Variants in ANKS1B observed in about 807,000 individuals in gnomAD.
ANKS1B encodes ankyrin repeat and sterile alpha motif domain-containing protein 1B.
Under a neutral mutation model 148.3 loss-of-function variants are expected in ANKS1B, and 36 were observed. That is an observed-to-expected ratio of 0.24 (90% CI 0.19 to 0.32). ANKS1B has a LOEUF of 0.32. Among genes scored for constraint, ANKS1B ranks in the 10% least tolerant of loss-of-function variants. The probability of loss-of-function intolerance (pLI) is 1.00; values close to 1 mark genes in which losing one functional copy is unlikely to be tolerated. For synonymous variants in ANKS1B, 542 were observed against 560.8 expected (o/e 0.97, Z 0.47); for missense variants, 1,157 against 1,542.6 (o/e 0.75, Z 4.19).
intron 1 of ANKS1B, among the ~76,000 whole-genome samples, chr12:99,956,732 T>A (rs1733148035): frequency 6.6e-6 from 1 of 152,206 alleles, no homozygotes; most frequent in Admixed American, 6.5e-5. Context: ...TGTTTTAATG[T>A]CACCCTTGAT....
chr12:98,997,626 C>T (rs985733441), intron 17 of ANKS1B, among the ~76,000 whole-genome samples: 1 of 152,042 alleles, frequency 6.6e-6, no homozygotes, highest in African/African-American at 2.4e-5. Flanking sequence ...CTCTTGACCT[C>T]GTGATCTGCC....
chr12:99,246,534 G>A lies in ANKS1B; in HGVS notation c.2087C>T (p.Ser696Phe). 1 of 1,613,876 alleles carries A rather than the reference G, an allele frequency of 6.2e-7. No homozygotes were observed. The highest frequency in any genetic ancestry group is 8.5e-7 in the Non-Finnish European group (1 of 1,179,868). ...IVGTRSTRSG[S>F]RNGDQWVMNA... is the part of the protein sequence containing the mutation. ...CATAACCCACTGGTCCCCATTCCGA[G>A]ATCCACTCCTGGTTGATCTTGTGCC... is the stretch of plus-strand genomic sequence containing the variant. The change falls in exon 13 of 27, where the codon TCT (serine) becomes TTT (phenylalanine). Residue 696 changes from serine to phenylalanine, a missense_variant. Coordinates refer to ENST00000683438, the MANE Select transcript of ANKS1B (RefSeq NM_001352186.2).
intron 14 of ANKS1B, among the ~76,000 whole-genome samples, chr12:99,224,797 T>C (rs1365954981): frequency 6.6e-6 from 1 of 152,134 alleles, no homozygotes; most frequent in African/African-American, 2.4e-5. Context: ...GGTCATACAG[T>C]AGGTAAGCGA....
chr12:99,642,158 T>A (rs1048560117), intron 9 of ANKS1B, among the ~76,000 whole-genome samples: 2 of 152,224 alleles, frequency 1.3e-5, no homozygotes, highest in African/African-American at 4.8e-5. Context: ...TATAGTTCAT[T>A]TATTTTAAAA....
At chr12:99,654,766 C>T (rs2098441913) in intron 9 of ANKS1B, among the ~76,000 whole-genome samples, 5 of 152,152 alleles carry the variant, frequency 3.3e-5, no homozygotes, top group Admixed American at 3.3e-4. Flanking sequence ...AAATAGCATT[C>T]TTTAAACTGA....
At chr12:99,670,643 C>T (rs1161530308) in intron 8 of ANKS1B, among the ~76,000 whole-genome samples, 1 of 151,974 alleles carries the variant, frequency 6.6e-6, no homozygotes, top group Non-Finnish European at 1.5e-5. Context: ...GACAGTAAAA[C>T]TAGACCAAAA....
At chr12:98,773,651 A>G (rs1393448868) in intron 24 of ANKS1B, among the ~76,000 whole-genome samples, 1 of 151,968 alleles carries the variant, frequency 6.6e-6, no homozygotes, top group Non-Finnish European at 1.5e-5. Flanking sequence ...GACGGGGTTT[A>G]CACCATGTTG....
intron 16 of ANKS1B, among the ~76,000 whole-genome samples, chr12:99,056,495 C>T (rs973129339): frequency 2.0e-4 from 30 of 152,162 alleles, no homozygotes; most frequent in African/African-American, 7.2e-4. Context: ...TTTGATCCAG[C>T]TTGTATCTTG....
intron 12 of ANKS1B, among the ~76,000 whole-genome samples, chr12:99,324,846 T>C (rs1268219709): frequency 3.9e-4 from 59 of 152,250 alleles, no homozygotes; most frequent in Admixed American, 3.8e-3. Context: ...TGAAAGGAGC[T>C]TAGCTGTTAT....
rs538856131 is a variant in ANKS1B at position 99,110,926 on chromosome 12, C to T, written c.2527-25903G>A. On this transcript the variant is annotated intron_variant, in intron 15 of 26. Transcript: ENST00000683438. Reference sequence around the variant, plus strand: ...CTCAGGCATCTCCTTCTCCAGGATGCCTTTTCTGCTCTCCATTCTAATTAA... The same window carrying T: ...CTCAGGCATCTCCTTCTCCAGGATGTCTTTTCTGCTCTCCATTCTAATTAA... Among the ~76,000 whole-genome samples, 4 of 152,172 alleles carry T rather than the reference C, an allele frequency of 2.6e-5. No individual in the cohort carries two copies. In the East Asian group the frequency reaches 7.7e-4, roughly 29 times the overall value.
intron 1 of ANKS1B, among the ~76,000 whole-genome samples, chr12:99,899,086 G>GTGATTACGT (rs1299002566): frequency 1.3e-5 from 2 of 152,180 alleles, no homozygotes; most frequent in Non-Finnish European, 2.9e-5. Flanking sequence ...GATGGTGGCA[G>GTGATTACGT]TGATTACGTT....
chr12:99,656,687 A>C (rs1181213690), intron 8 of ANKS1B, among the ~76,000 whole-genome samples: 1 of 152,122 alleles, frequency 6.6e-6, no homozygotes, highest in East Asian at 1.9e-4. Flanking sequence ...ATAAAGCATG[A>C]AAATTTGCAG....
chr12:99,280,512 C>T (rs1164074936), intron 12 of ANKS1B, among the ~76,000 whole-genome samples: 1 of 152,160 alleles, frequency 6.6e-6, no homozygotes, highest in African/African-American at 2.4e-5. Context: ...GATGGGGCCA[C>T]AGAGTGCTCT....
chr12:99,812,585 C>T (rs7398432), intron 2 of ANKS1B, among the ~76,000 whole-genome samples: 86,314 of 142,534 alleles, frequency 0.61, 24,807 homozygotes, highest in South Asian at 0.71. Flanking sequence ...AGAAAGAGAG[C>T]GAGAGCACAC....
At chr12:99,491,030 G>C (rs2096549717) in intron 10 of ANKS1B, among the ~76,000 whole-genome samples, 1 of 152,206 alleles carries the variant, frequency 6.6e-6, no homozygotes. Context: ...TGAAGTAAGA[G>C]CTTAAGGCTG....
chr12:99,742,930 A>G (rs1020658338), intron 8 of ANKS1B, among the ~76,000 whole-genome samples: 3 of 151,602 alleles, frequency 2.0e-5, no homozygotes, highest in African/African-American at 7.3e-5. Context: ...GCTATTTTTT[A>G]GCAAATCCTC....
chr12:99,301,834 C>G (rs2081663756), intron 12 of ANKS1B, among the ~76,000 whole-genome samples: 1 of 151,950 alleles, frequency 6.6e-6, no homozygotes, highest in African/African-American at 2.4e-5. Flanking sequence ...TAAAAAAAGG[C>G]ATAAAGCAAC....
At chr12:99,891,144 G>C (rs2093081517) in intron 1 of ANKS1B, among the ~76,000 whole-genome samples, 1 of 152,156 alleles carries the variant, frequency 6.6e-6, no homozygotes. Context: ...CTTGAATATA[G>C]AAGTGGAATC....
intron 12 of ANKS1B, among the ~76,000 whole-genome samples, chr12:99,323,846 G>A (rs925807672): frequency 6.6e-6 from 1 of 152,140 alleles, no homozygotes; most frequent in Non-Finnish European, 1.5e-5. Context: ...GAAAGGCAGT[G>A]AAGTGAGACT....
Sources: gnomAD v4.1 joint callset for allele counts (sites outside exome capture counted in the v4.1 genomes callset) on GRCh38, gnomAD v4.1.1 for gene constraint, MANE v1.5 for transcripts, NCBI Gene and HGNC (gene_info 2026-07-23, HGNC 2026-07-21) for gene names.